Variants in LRRC66 observed in about 807,000 individuals in gnomAD.
The protein encoded by LRRC66 is leucine-rich repeat-containing protein 66.
In LRRC66, 29 loss-of-function variants were observed where a neutral mutation model predicts 24.6. The ratio of observed to expected loss-of-function variants is 1.18; its 90% CI spans 0.88 to 1.61. LRRC66 has a LOEUF of 1.61. Ranked by LOEUF, LRRC66 falls within the 40% of genes most tolerant of loss-of-function variation. LRRC66 has a pLI of 0.00. For synonymous variants in LRRC66, 411 were observed against 397.6 expected, an observed-to-expected ratio of 1.03 and a Z score of -0.40; for missense variants, 1,124 against 1,058.0, an observed-to-expected ratio of 1.06 and a Z score of -0.87.
At chr4:52,002,046 T>C (rs1397724589) in intron 3 of LRRC66, among the ~76,000 whole-genome samples, 1 of 152,156 alleles carries the variant, frequency 6.6e-6, no homozygotes, top group Non-Finnish European at 1.5e-5. Context: ...TCAAAGAGCT[T>C]ACATGTAGCT....
Position 51,994,229 on chromosome 4 carries a change from C to A in LRRC66, c.*150G>T. On this transcript the variant is annotated 3_prime_UTR_variant, in exon 5 of 5. Transcript: ENST00000682860. ...CTAGAATCATCGCCCTCAAGTGGGC[C>A]CACAAAACCCTCATTTGCATCAGTG... 2 of 728,668 alleles carry A rather than the reference C, an allele frequency of 2.7e-6. No individual in the cohort carries two copies. Among genetic ancestry groups the A allele is most frequent in the South Asian group, 2.0e-5 (1 of 49,966 alleles). The allele number at this position is 728,668 out of a possible 1,614,324, so 45.1% of individuals were successfully genotyped here. A position where few individuals can be genotyped will look rare whatever the true frequency, so the allele number is the denominator to read the frequency against.
At chr4:52,019,452 T>A (rs554285418) in intron 1 of LRRC66, among the ~76,000 whole-genome samples, 1 of 152,346 alleles carries the variant, frequency 6.6e-6, no homozygotes, top group South Asian at 2.1e-4. Context: ...GTTGTTTGTG[T>A]GTAAATGAAT....
intron 4 of LRRC66, 85 bp from the exon 5 acceptor site, chr4:51,996,250 AAAATT>A: frequency 7.4e-7 from 1 of 1,356,204 alleles, no homozygotes; most frequent in Non-Finnish European, 9.9e-7. Context: ...AGAATTGAAA[AAAATT>A]CAATTTTTTT....
chr4:52,008,766 A>G (rs1736639439), intron 2 of LRRC66, among the ~76,000 whole-genome samples: 1 of 152,182 alleles, frequency 6.6e-6, no homozygotes, highest in Admixed American at 6.5e-5. Flanking sequence ...AGTAGAAAAA[A>G]TGTTCAAGGA....
chr4:51,998,595 T>G (rs768959272), intron 3 of LRRC66, among the ~76,000 whole-genome samples: 8 of 152,182 alleles, frequency 5.3e-5, no homozygotes, highest in Non-Finnish European at 1.0e-4. Context: ...GTAGTACATT[T>G]CTCCACATCC....
chr4:52,014,973 A>C (rs1221221813), intron 2 of LRRC66, among the ~76,000 whole-genome samples: 1 of 152,190 alleles, frequency 6.6e-6, no homozygotes, highest in African/African-American at 2.4e-5. Flanking sequence ...GCTTAACTCA[A>C]AAAAAGAAGA....
chr4:52,018,483 G>T, intron 1 of LRRC66: 2 of 985,324 alleles, frequency 2.0e-6, no homozygotes, highest in Non-Finnish European at 2.4e-6. Flanking sequence ...CCAAGAAATT[G>T]TCCCTTCCTT....
intron 2 of LRRC66, among the ~76,000 whole-genome samples, chr4:52,013,442 ACT>A (rs1259081133): frequency 6.6e-6 from 1 of 152,210 alleles, no homozygotes; most frequent in Non-Finnish European, 1.5e-5. Flanking sequence ...ATTTCCAGTT[ACT>A]CTGTGAGCAC....
At chr4:52,018,207 A>G in intron 1 of LRRC66, 1 of 985,406 alleles carries the variant, frequency 1.0e-6, no homozygotes, top group Non-Finnish European at 1.2e-6. Flanking sequence ...ATTTAGATAC[A>G]TACAACATAA....
In LRRC66 at chr4:51,995,784, C is replaced by G. The variant is rs751822649; in HGVS notation, c.1238G>C (p.Ser413Thr). The G allele has an allele frequency of 6.2e-7, 1 of 1,614,132 alleles. No homozygotes were observed. The highest frequency in any genetic ancestry group is 8.5e-7 in the Non-Finnish European group (1 of 1,180,034). ...RLWQKKCQSK[S>T]PGLDNAYSNE... is the part of the protein sequence containing the mutation. ...TGAATACGCGTTGTCCAGGCCAGGG[C>G]TTTTGCTCTGGCACTTTTTTTGCCA... Residue 413 changes from serine to threonine, a missense_variant, in exon 5 of 5, where the codon AGC (serine) becomes ACC (threonine). Coordinates refer to ENST00000682860, the MANE Select transcript of LRRC66 (RefSeq NM_001024611.3).
At chr4:52,015,467 G>A (rs543686829) in intron 2 of LRRC66, among the ~76,000 whole-genome samples, 5 of 152,230 alleles carry the variant, frequency 3.3e-5, no homozygotes, top group Admixed American at 6.5e-5. Flanking sequence ...TAGAGTATAC[G>A]ATTTGATGCC....
chr4:52,013,602 G>A (rs936398020), intron 2 of LRRC66, among the ~76,000 whole-genome samples: 1 of 152,140 alleles, frequency 6.6e-6, no homozygotes, highest in Non-Finnish European at 1.5e-5. Context: ...TTAAATTCAT[G>A]GCTGGCTTCT....
At chr4:52,003,605 T>A (rs1331332122) in intron 2 of LRRC66, among the ~76,000 whole-genome samples, 1 of 152,112 alleles carries the variant, frequency 6.6e-6, no homozygotes, top group Non-Finnish European at 1.5e-5. Context: ...AGAAAAAAGT[T>A]AAGTGCAGAA....
intron 2 of LRRC66, among the ~76,000 whole-genome samples, chr4:52,004,631 G>C (rs1480069895): frequency 1.3e-5 from 2 of 152,160 alleles, no homozygotes; most frequent in Non-Finnish European, 2.9e-5. Flanking sequence ...CACTGTTCTT[G>C]CATGTAGCCT....
In LRRC66 at chr4:51,996,106, G is replaced by A. The variant is rs1295938546; in HGVS notation, c.916C>T (p.Pro306Ser). Residue 306 changes from proline (P) to serine (S), a missense_variant, in exon 5 of 5, where the codon CCT (proline) becomes TCT (serine). Pro to Ser is a moderately conservative substitution (Grantham distance 74). Transcript: ENST00000682860. ...TTCATGCGATGCAGATGAATGGGAG[G>A]AAGGCGGGTTTCCCTGGAAATCCTG... ...QSRISRETRL[P>S]PIHLHRMKSL... 2.5e-6 allele frequency: 4 copies of A among 1,614,076 alleles called. No homozygotes were observed. Among genetic ancestry groups the A allele is most frequent in the Middle Eastern group, 1.7e-4 (1 of 6,060 alleles).
intron 2 of LRRC66, among the ~76,000 whole-genome samples, chr4:52,014,449 T>A (rs747375133): frequency 6.6e-6 from 1 of 152,232 alleles, no homozygotes; most frequent in East Asian, 1.9e-4. Flanking sequence ...CCATGTTAAG[T>A]TAGGTCTTTG....
At chr4:52,016,350 A>G (rs768580352) in intron 2 of LRRC66, among the ~76,000 whole-genome samples, 7 of 152,208 alleles carry the variant, frequency 4.6e-5, no homozygotes, top group Non-Finnish European at 1.0e-4. Context: ...ATAATGTCTT[A>G]TATAAAGGAG....
intron 2 of LRRC66, among the ~76,000 whole-genome samples, chr4:52,015,203 C>T (rs1276496984): frequency 6.6e-6 from 1 of 152,100 alleles, no homozygotes; most frequent in Non-Finnish European, 1.5e-5. Flanking sequence ...GTAGGCTCCA[C>T]GTTCATTGTC....
chr4:51,996,797 T>G (rs1267021951), intron 4 of LRRC66, among the ~76,000 whole-genome samples: 1 of 152,220 alleles, frequency 6.6e-6, no homozygotes, highest in African/African-American at 2.4e-5. Flanking sequence ...CACTGCTGCC[T>G]GTGGGAGGAA....
Sources: allele counts gnomAD v4.1 joint callset (sites outside exome capture counted in the v4.1 genomes callset), GRCh38; gene constraint gnomAD v4.1.1; transcripts MANE v1.5; gene names NCBI Gene and HGNC (gene_info 2026-07-23, HGNC 2026-07-21).